Variants in FGF7 observed in about 807,000 individuals in gnomAD.
FGF7 encodes fibroblast growth factor 7.
A neutral mutation model predicts 20.5 loss-of-function variants in FGF7; 6 were observed. The observed-to-expected ratio is 0.29, with a 90% CI of 0.16 to 0.58. FGF7 has a LOEUF of 0.58. FGF7 is among the 20% of genes least tolerant of loss of function. The probability of loss-of-function intolerance (pLI) is 0.90; values close to 1 mark genes in which losing one functional copy is unlikely to be tolerated. For synonymous variants in FGF7, 64 were observed against 74.7 expected (o/e 0.86, Z 0.74); for missense variants, 144 against 228.8 (o/e 0.63, Z 2.39).
chr15:49,435,789 A>G (rs1017991744), intron 2 of FGF7, among the ~76,000 whole-genome samples: 1 of 151,584 alleles, frequency 6.6e-6, no homozygotes. Context: ...AGATATTCAA[A>G]TTAATATTAC....
chr15:49,426,462 A>C (rs1567253314), intron 2 of FGF7, among the ~76,000 whole-genome samples: 1 of 151,976 alleles, frequency 6.6e-6, no homozygotes, highest in South Asian at 2.1e-4. Context: ...AAAGCAAAAA[A>C]GTAGATGTAA....
chr15:49,473,103 T>C (rs949642695), intron 2 of FGF7, among the ~76,000 whole-genome samples: 17 of 152,148 alleles, frequency 1.1e-4, no homozygotes, highest in Admixed American at 9.2e-4. Flanking sequence ...CAACTGAATA[T>C]TTTTTAAAAA....
At chr15:49,449,946 G>A (rs1426712071) in intron 2 of FGF7, among the ~76,000 whole-genome samples, 2 of 152,050 alleles carry the variant, frequency 1.3e-5, no homozygotes, top group Non-Finnish European at 2.9e-5. Flanking sequence ...ACACTCCACA[G>A]ACATATGCAA....
chr15:49,454,755 G>A (rs1317751737), intron 2 of FGF7, among the ~76,000 whole-genome samples: 1 of 152,048 alleles, frequency 6.6e-6, no homozygotes, highest in Non-Finnish European at 1.5e-5. Context: ...GATTATAGGC[G>A]CGTGCCACCA....
intron 2 of FGF7, among the ~76,000 whole-genome samples, chr15:49,455,161 T>C (rs2053164992): frequency 6.6e-6 from 1 of 152,218 alleles, no homozygotes. Context: ...TCAGGTGATT[T>C]GTATGCATGC....
intron 2 of FGF7, among the ~76,000 whole-genome samples, chr15:49,464,628 T>C (rs992744850): frequency 2.0e-5 from 3 of 152,214 alleles, no homozygotes; most frequent in Admixed American, 6.5e-5. Flanking sequence ...AATAATGATT[T>C]TCTTGCAAAA....
At position 49,473,036 on chromosome 15, in the gene FGF7, T is replaced by C. The variant is rs545690547; in HGVS notation, c.287-10115T>C. On this transcript the variant is annotated intron_variant, in intron 2 of 3. Coordinates refer to ENST00000267843, the MANE Select transcript of FGF7 (RefSeq NM_002009.4). ...TAAGCAATTGTATGTGGACCACTCA[T>C]GTTTCCAAAGGTACTTGGGGGATTA... 1.3e-4 allele frequency among the ~76,000 whole-genome samples: 20 copies of C among 152,324 alleles called. No homozygotes were observed. In the East Asian group the frequency reaches 3.9e-3, roughly 29 times the overall value.
chr15:49,446,349 G>T (rs1361689679), intron 2 of FGF7, among the ~76,000 whole-genome samples: 1 of 151,568 alleles, frequency 6.6e-6, no homozygotes, highest in African/African-American at 2.4e-5. Flanking sequence ...AGGTGACATT[G>T]TGTAATAATG....
chr15:49,424,624 G>T, intron 2 of FGF7, 41 bp downstream of exon 2: 2 of 1,418,684 alleles, frequency 1.4e-6, no homozygotes, highest in Non-Finnish European at 9.5e-7. Context: ...TTAGCAATCT[G>T]TTAATGGATC....
intron 2 of FGF7, among the ~76,000 whole-genome samples, chr15:49,446,117 T>A (rs112326311): frequency 1.3e-5 from 2 of 151,540 alleles, no homozygotes; most frequent in African/African-American, 4.8e-5. Context: ...GATGAAGTAA[T>A]TAGTGTATTA....
chr15:49,454,468 T>G (rs1597303554), intron 2 of FGF7, among the ~76,000 whole-genome samples: 1 of 152,178 alleles, frequency 6.6e-6, no homozygotes, highest in Non-Finnish European at 1.5e-5. Flanking sequence ...TATCAGCATA[T>G]CCTCAAGTAA....
chr15:49,469,025 G>C (rs1039809458), intron 2 of FGF7, among the ~76,000 whole-genome samples: 1 of 152,130 alleles, frequency 6.6e-6, no homozygotes, highest in African/African-American at 2.4e-5. Context: ...CATGTTTTAT[G>C]TATATGTATA....
chr15:49,469,362 A>G (rs1241598707), intron 2 of FGF7, among the ~76,000 whole-genome samples: 1 of 152,146 alleles, frequency 6.6e-6, no homozygotes, highest in Non-Finnish European at 1.5e-5. Flanking sequence ...ATTTAATTCT[A>G]TTTCTACTTG....
intron 2 of FGF7, among the ~76,000 whole-genome samples, chr15:49,454,427 G>A (rs1318548903): frequency 1.3e-5 from 2 of 151,998 alleles, no homozygotes; most frequent in East Asian, 3.9e-4. Context: ...TATTTATTGA[G>A]TGCCTGCTCT....
At chr15:49,460,837 G>A (rs1178612042) in intron 2 of FGF7, among the ~76,000 whole-genome samples, 1 of 152,140 alleles carries the variant, frequency 6.6e-6, no homozygotes, top group Admixed American at 6.5e-5. Context: ...AGATATCAAA[G>A]AAGAACATTG....
At chr15:49,480,376 C>T (rs1238332866) in intron 2 of FGF7, among the ~76,000 whole-genome samples, 1 of 151,922 alleles carries the variant, frequency 6.6e-6, no homozygotes, top group African/African-American at 2.4e-5. Flanking sequence ...GGTGTGACCT[C>T]GGCTCATTGC....
intron 2 of FGF7, among the ~76,000 whole-genome samples, chr15:49,476,041 T>C (rs1203744740): frequency 2.0e-5 from 3 of 152,160 alleles, no homozygotes; most frequent in African/African-American, 7.2e-5. Context: ...GAATCTTTGC[T>C]TCCATGGCCT....
chr15:49,488,206 A>G lies in FGF7; in HGVS notation c.*3702A>G, dbSNP rs1206357348. The G allele has an allele frequency of 2.6e-5, 4 of 151,918 alleles. No homozygotes were observed. The highest frequency in any genetic ancestry group is 4.8e-5 in the African/African-American group (2 of 41,384). The allele number at this position is 151,918 out of a possible 1,614,324, so 9.4% of individuals were successfully genotyped here. A position where few individuals can be genotyped will look rare whatever the true frequency, so the allele number is the denominator to read the frequency against. ...CTGGTCTCTCTGGTTTGAATTCTCA[A>G]TATGTATCTTAATATGAAATAGCTC... On this transcript the variant is annotated 3_prime_UTR_variant, in exon 4 of 4. Coordinates refer to ENST00000267843, the MANE Select transcript of FGF7 (RefSeq NM_002009.4).
chr15:49,480,057 AAT>A (rs1347199574), intron 2 of FGF7, among the ~76,000 whole-genome samples: 1 of 152,194 alleles, frequency 6.6e-6, no homozygotes, highest in Non-Finnish European at 1.5e-5. Flanking sequence ...CATGGAACAA[AAT>A]AGACTAGAAA....
Sources: gnomAD v4.1 joint callset for allele counts (sites outside exome capture counted in the v4.1 genomes callset) on GRCh38, gnomAD v4.1.1 for gene constraint, MANE v1.5 for transcripts, NCBI Gene and HGNC (gene_info 2026-07-23, HGNC 2026-07-21) for gene names.